DIS3L2: variants seen among roughly 807,000 people sequenced by gnomAD.
The protein encoded by DIS3L2 is DIS3 like 3'-5' exoribonuclease 2.
A neutral mutation model predicts 97.5 loss-of-function variants in DIS3L2; 34 were observed. The observed-to-expected ratio is 0.35, with a 90% confidence interval of 0.27 to 0.46. The LOEUF (loss-of-function observed/expected upper bound fraction) is 0.46, where lower values mean the gene tolerates loss of function less well. Among genes scored for constraint, DIS3L2 ranks in the 20% least tolerant of loss-of-function variants. The pLI is 1.00. For synonymous variants in DIS3L2, 435 were observed against 445.2 expected (o/e 0.98, Z 0.29); for missense variants, 1,038 against 1,146.0 (o/e 0.91, Z 1.36).
chr2:231,965,326 G>T (rs1692679422), intron 1 of DIS3L2, among the ~76,000 whole-genome samples: 1 of 152,122 alleles, frequency 6.6e-6, no homozygotes, highest in Admixed American at 6.5e-5. Flanking sequence ...CTGTTACTTA[G>T]CAACCAGTAG....
intron 13 of DIS3L2, among the ~76,000 whole-genome samples, chr2:232,297,248 A>G (rs1559198732): frequency 6.6e-6 from 1 of 152,068 alleles, no homozygotes; most frequent in Non-Finnish European, 1.5e-5. Context: ...GAAACCTGCC[A>G]TGGCTTCTCT....
At chr2:232,069,619 A>G (rs532540156) in intron 5 of DIS3L2, among the ~76,000 whole-genome samples, 1 of 152,294 alleles carries the variant, frequency 6.6e-6, no homozygotes, top group South Asian at 2.1e-4. Context: ...CAGCAGACCC[A>G]GCCTTGGGAC....
intron 9 of DIS3L2, among the ~76,000 whole-genome samples, chr2:232,196,865 G>C (rs1414699106): frequency 6.6e-6 from 1 of 151,646 alleles, no homozygotes; most frequent in African/African-American, 2.4e-5. Context: ...GAAGGGAGCT[G>C]GCACCATTGT....
chr2:232,230,817 C>G (rs1030218207), intron 10 of DIS3L2, among the ~76,000 whole-genome samples: 1 of 152,096 alleles, frequency 6.6e-6, no homozygotes, highest in Non-Finnish European at 1.5e-5. Context: ...CAGGGCAGCT[C>G]TTCTCAGGGC....
chr2:232,023,046 A>G (rs1301109102), intron 3 of DIS3L2: 1 of 152,098 alleles, frequency 6.6e-6, no homozygotes, highest in East Asian at 1.9e-4. Flanking sequence ...TTCTCATCTG[A>G]TTTATTTGCA....
rs1478480491 is a variant in DIS3L2 at position 232,233,899 on chromosome 2, C to T, written c.1205-4634C>T. 6.6e-5 allele frequency among the ~76,000 whole-genome samples: 10 copies of T among 152,172 alleles called. No individual in the cohort carries two copies. The South Asian group carries it at 1.9e-3, about 28-fold the overall frequency. On this transcript the variant is annotated intron_variant, in intron 10 of 20. Coordinates refer to ENST00000325385, the MANE Select transcript of DIS3L2 (RefSeq NM_152383.5). ...GTTGTTCTATAATCAGGCCCTGCTA[C>T]AAGTGGTTAAGGAGACTGACAACGG...
At chr2:232,227,425 C>T (rs1692679824) in intron 10 of DIS3L2, among the ~76,000 whole-genome samples, 1 of 152,134 alleles carries the variant, frequency 6.6e-6, no homozygotes, top group South Asian at 2.1e-4. Flanking sequence ...CGTCTCATAG[C>T]ATTGGAAGAT....
chr2:232,210,412 T>C lies in DIS3L2; in HGVS notation c.1204+7T>C. The stretch of plus-strand genomic sequence containing the variant: ...TGCAAGCCACTCGCTGACGGTAGGA[T>C]GGAAATTTCTATAGCATCTTGGGTA... On this transcript the variant is annotated splice_region_variant and intron_variant, in intron 10 of 20. Coordinates refer to ENST00000325385, the MANE Select transcript of DIS3L2 (RefSeq NM_152383.5). 1.2e-6 allele frequency: 2 copies of C among 1,612,476 alleles called. No homozygotes were observed. The highest frequency in any genetic ancestry group is 1.7e-6 in the Non-Finnish European group (2 of 1,178,702).
intron 6 of DIS3L2, among the ~76,000 whole-genome samples, chr2:232,128,651 C>T (rs776814090): frequency 6.6e-5 from 10 of 150,752 alleles, no homozygotes; most frequent in African/African-American, 1.2e-4. Flanking sequence ...GACAGAGTTT[C>T]GCCGTGTTGC....
Position 232,169,566 on chromosome 2 carries a change from T to C in DIS3L2, c.1124+5934T>C, listed in dbSNP as rs565342917. Among the ~76,000 whole-genome samples the C allele has an allele frequency of 3.3e-5, 5 of 152,300 alleles. No homozygotes were observed. The East Asian group carries it at 7.7e-4, about 23-fold the overall frequency. On this transcript the variant is annotated intron_variant, in intron 9 of 20. Coordinates refer to ENST00000325385, the MANE Select transcript of DIS3L2 (RefSeq NM_152383.5). ...CAGGTATAGAGGGAAATAGAGTGAC[T>C]AAAGTTGTCTTCATTTTAGTGATAG... is the stretch of plus-strand genomic sequence containing the variant.
chr2:232,095,039 G>A (rs958646153), intron 6 of DIS3L2, among the ~76,000 whole-genome samples: 6 of 152,022 alleles, frequency 3.9e-5, no homozygotes, highest in African/African-American at 1.5e-4. Flanking sequence ...CAGTTGATGT[G>A]TGTCTTTATA....
chr2:232,087,437 T>C (rs768691314), intron 5 of DIS3L2, 50 bp from the exon 6 acceptor site: 2 of 1,435,508 alleles, frequency 1.4e-6, no homozygotes, highest in South Asian at 2.7e-5. Context: ...TCTGCTCTTT[T>C]TTTTTTTTCC....
At position 232,337,131 on chromosome 2, in the gene DIS3L2, C is replaced by CCTGG. The variant is rs534841446; in HGVS notation, c.*503_*506dup. 2.1e-4 allele frequency: 211 copies of CCTGG among 1,008,362 alleles called. No homozygotes were observed. Among genetic ancestry groups the CCTGG allele is most frequent in the Non-Finnish European group, 2.4e-4 (199 of 846,264 alleles). The allele number at this position is 1,008,362 out of a possible 1,614,324, so 62.5% of individuals were successfully genotyped here. ...TTCCAACACGATTCAGAGCTGGCTG[C>CCTGG]CTGGCAGATGATTGATACTGGAGTC... On this transcript the variant is annotated 3_prime_UTR_variant, in exon 21 of 21. Coordinates refer to ENST00000325385, the MANE Select transcript of DIS3L2 (RefSeq NM_152383.5).
intron 8 of DIS3L2, among the ~76,000 whole-genome samples, chr2:232,142,007 G>C (rs1002203333): frequency 1.3e-5 from 2 of 152,120 alleles, no homozygotes; most frequent in Non-Finnish European, 2.9e-5. Flanking sequence ...TCCAAGATTA[G>C]CAAACTGAAA....
rs148218023 is a variant in DIS3L2 at position 232,093,947 on chromosome 2, G to C, written c.601+6226G>C. Among the ~76,000 whole-genome samples the C allele has an allele frequency of 6.6e-5, 10 of 152,072 alleles. No individual in the cohort carries two copies. The East Asian group carries it at 1.9e-3, about 29-fold the overall frequency. On this transcript the variant is annotated intron_variant, in intron 6 of 20. Coordinates refer to ENST00000325385, the MANE Select transcript of DIS3L2 (RefSeq NM_152383.5). ...TCTAGTTCTTTAAGATGCATCATTAGGTGGTTTATTTGAATTTTTTCTTCT... is the reference window on the plus strand; with the variant it reads ...TCTAGTTCTTTAAGATGCATCATTACGTGGTTTATTTGAATTTTTTCTTCT...
Position 232,325,720 on chromosome 2 carries a change from T to C in DIS3L2, c.1740-4093T>C, listed in dbSNP as rs556731441. Among the ~76,000 whole-genome samples the C allele has an allele frequency of 6.6e-5, 10 of 152,290 alleles. No homozygotes were observed. Among genetic ancestry groups the C allele is most frequent in the African/African-American group, 2.4e-4 (10 of 41,580 alleles). ...GGCCTTAGCTTGCTGTTCTGGAAGG[T>C]GATGCTGGCTGGCAGCCATTCCCAG... On this transcript the variant is annotated intron_variant, in intron 14 of 20. Transcript: ENST00000325385. This position sits in a 1 kb window ranked among gnomAD's most constrained non-coding sequence, Gnocchi z 4.6.
intron 13 of DIS3L2, 32 bp from the exon 14 acceptor site, chr2:232,300,007 TA>T: frequency 6.2e-7 from 1 of 1,607,292 alleles, no homozygotes; most frequent in Non-Finnish European, 8.5e-7. Flanking sequence ...GCATGCTGCC[TA>T]AAACTTCTTT....
intron 6 of DIS3L2, among the ~76,000 whole-genome samples, chr2:232,105,829 C>G (rs1697344254): frequency 6.6e-6 from 1 of 152,160 alleles, no homozygotes; most frequent in African/African-American, 2.4e-5. Flanking sequence ...TGTCCTTCTC[C>G]TTTGTTGGAG....
intron 5 of DIS3L2, among the ~76,000 whole-genome samples, chr2:232,032,071 TGAA>T (rs1192595553): frequency 5.3e-4 from 80 of 152,360 alleles, no homozygotes; most frequent in African/African-American, 1.7e-3. Flanking sequence ...TCTAGATCCT[TGAA>T]GAATCACCAC....
Sources: allele counts gnomAD v4.1 joint callset (sites outside exome capture counted in the v4.1 genomes callset), GRCh38; gene constraint gnomAD v4.1.1; non-coding constraint Gnocchi (gnomAD v3.1); transcripts MANE v1.5; gene names NCBI Gene and HGNC (gene_info 2026-07-23, HGNC 2026-07-21).